Variants in CDKL4 observed in about 807,000 individuals in gnomAD.
CDKL4 encodes cyclin dependent kinase like 4.
A neutral mutation model predicts 42.0 loss-of-function variants in CDKL4; 44 were observed. The observed-to-expected ratio is 1.05, with a 90% confidence interval of 0.82 to 1.35. The LOEUF (loss-of-function observed/expected upper bound fraction) is 1.35, where lower values mean the gene tolerates loss of function less well. CDKL4 is among the 40% of genes most tolerant of loss of function. The probability of loss-of-function intolerance (pLI) is 0.00; values close to 1 mark genes in which losing one functional copy is unlikely to be tolerated. For missense variants in CDKL4, 393 were observed against 369.9 expected (o/e 1.06, Z -0.51); for synonymous variants, 120 against 121.6 (o/e 0.99, Z 0.09).
At chr2:39,200,575 C>T (rs1169111156) in intron 5 of CDKL4, among the ~76,000 whole-genome samples, 2 of 152,110 alleles carry the variant, frequency 1.3e-5, no homozygotes, top group Non-Finnish European at 2.9e-5. Context: ...ATTATCCTAC[C>T]TGACTTCAAA....
exon 8 of CDKL4, chr2:39,184,641 G>C: frequency 6.2e-7 from 1 of 1,610,030 alleles, no homozygotes; most frequent in South Asian, 1.1e-5. Flanking sequence ...TTTTCCTCAA[G>C]AGTTTCCTGA....
intron 3 of CDKL4, among the ~76,000 whole-genome samples, chr2:39,218,854 C>T (rs1351836779): frequency 6.6e-6 from 1 of 152,122 alleles, no homozygotes; most frequent in Non-Finnish European, 1.5e-5. Flanking sequence ...GATTGTGGAA[C>T]TTCTCTCCCT....
At chr2:39,189,555 C>T (rs1054931025) in intron 6 of CDKL4, among the ~76,000 whole-genome samples, 5 of 152,166 alleles carry the variant, frequency 3.3e-5, no homozygotes, top group African/African-American at 9.7e-5. Context: ...GCAGCCACCC[C>T]TAATCAGGAA....
downstream of CDKL4, among the ~76,000 whole-genome samples, chr2:39,172,471 T>TACA (rs1675028093): frequency 6.6e-6 from 1 of 152,112 alleles, no homozygotes; most frequent in Non-Finnish European, 1.5e-5. Flanking sequence ...AGGAAGGAGT[T>TACA]ACAGCTTGAG....
rs190249850 is a variant in CDKL4, at chr2:39,221,818, T to C, written c.290+4021A>G. 2.1e-3 allele frequency among the ~76,000 whole-genome samples: 327 copies of C among 152,302 alleles called. 4 individuals carry two copies. The highest frequency in any genetic ancestry group is 0.018 in the Admixed American group (280 of 15,284). On this transcript the variant is annotated intron_variant, in intron 3 of 9. Coordinates refer to ENST00000451199, the Ensembl canonical transcript of CDKL4. ...TCCATCTGGCCAACTCCTCTTCCTT[T>C]TCAAAGCCCAAATGCTGCCTTCTCT...
the CDKL4 span, among the ~76,000 whole-genome samples, chr2:39,168,572 T>A: frequency 2.0e-5 from 3 of 151,772 alleles, no homozygotes; most frequent in Non-Finnish European, 4.4e-5. Flanking sequence ...CCCATCTATA[T>A]TAAAAATACA....
chr2:39,179,377 C>G, intron 8 of CDKL4, 56 bp from the exon 9 acceptor site: 1 of 1,378,272 alleles, frequency 7.3e-7, no homozygotes, highest in South Asian at 1.5e-5. Context: ...ATTTTGTTAC[C>G]GTGCCCACAA....
intron 3 of CDKL4, among the ~76,000 whole-genome samples, chr2:39,215,926 C>T (rs556914214): frequency 6.6e-5 from 10 of 152,290 alleles, no homozygotes; most frequent in Admixed American, 2.0e-4. Flanking sequence ...CTATTTCCAG[C>T]ACTGAATACT....
At chr2:39,203,210 G>GAAAGGAA in intron 5 of CDKL4, among the ~76,000 whole-genome samples, 1 of 152,102 alleles carries the variant, frequency 6.6e-6, no homozygotes, top group East Asian at 1.9e-4. Flanking sequence ...AATGAAAAAG[G>GAAAGGAA]AAAGGAAAAA....
At position 39,190,503 on chromosome 2, in the gene CDKL4, C is replaced by A. The variant is rs1335091572; in HGVS notation, c.455-1G>T. The stretch of plus-strand genomic sequence containing the variant: ...TAATCGGTGTAGGCATCTCCTGGAA[C>A]TGCAAATGCATCAATCAGATCAGGT... On this transcript the variant is annotated splice_acceptor_variant, in intron 5 of 9. Coordinates refer to ENST00000451199, the Ensembl canonical transcript of CDKL4. LOFTEE classifies it high-confidence loss of function. The A allele has an allele frequency of 6.2e-7, 1 of 1,613,930 alleles. No homozygotes were observed. The highest frequency in any genetic ancestry group is 8.5e-7 in the Non-Finnish European group (1 of 1,179,856).
intron 4 of CDKL4, among the ~76,000 whole-genome samples, chr2:39,210,521 A>C (rs1218723653): frequency 2.0e-5 from 3 of 152,172 alleles, no homozygotes; most frequent in African/African-American, 7.2e-5. Context: ...CCAGTTATTC[A>C]ATAAATATTT....
At chr2:39,201,610 T>C (rs773185642) in intron 5 of CDKL4, among the ~76,000 whole-genome samples, 1 of 152,152 alleles carries the variant, frequency 6.6e-6, no homozygotes, top group African/African-American at 2.4e-5. Flanking sequence ...AAATGTGGTA[T>C]ATATATACCG....
intron 8 of CDKL4, 39 bp downstream of exon 8, chr2:39,184,552 A>G (rs1042614292): frequency 2.0e-6 from 3 of 1,477,722 alleles, no homozygotes; most frequent in African/African-American, 2.8e-5. Flanking sequence ...AGTCATTACA[A>G]TTTATAGCTA....
At chr2:39,197,264 C>T (rs1000781601) in intron 5 of CDKL4, among the ~76,000 whole-genome samples, 32 of 152,064 alleles carry the variant, frequency 2.1e-4, no homozygotes, top group Admixed American at 2.0e-3. Flanking sequence ...CAAATTAACC[C>T]AATCTGTCAA....
intron 5 of CDKL4, 122 bp from the exon 6 acceptor site, chr2:39,190,624 T>C: frequency 1.3e-6 from 1 of 742,330 alleles, no homozygotes; most frequent in Non-Finnish European, 2.3e-6. Context: ...TAAGGGTTAA[T>C]GCATTGAGGC....
upstream of CDKL4, among the ~76,000 whole-genome samples, chr2:39,244,040 G>A (rs1276332209): frequency 6.6e-6 from 1 of 152,250 alleles, no homozygotes; most frequent in Non-Finnish European, 1.5e-5. Flanking sequence ...GCGGGGCACT[G>A]CGGCTTCCGG....
intron 5 of CDKL4, among the ~76,000 whole-genome samples, chr2:39,193,384 A>G (rs1376700843): frequency 6.7e-6 from 1 of 148,874 alleles, no homozygotes; most frequent in Non-Finnish European, 1.5e-5. Flanking sequence ...TATTATTATT[A>G]TTGTTTTTGA....
At chr2:39,212,357 C>T (rs1677639727) in intron 4 of CDKL4, among the ~76,000 whole-genome samples, 1 of 151,832 alleles carries the variant, frequency 6.6e-6, no homozygotes, top group African/African-American at 2.4e-5. Context: ...CCTCAGCCTC[C>T]CGAGTAGCTG....
rs142140826 is a variant in CDKL4, at chr2:39,227,318, A to T, written c.169-1358T>A. On this transcript the variant is annotated intron_variant, in intron 2 of 9. Coordinates refer to ENST00000451199, the Ensembl canonical transcript of CDKL4. ...TTTGCATATAGTAGAAGCTCAACAAATAACAGGCCCAGTAGAAAATTTTAG... is the reference window on the plus strand; with the variant it reads ...TTTGCATATAGTAGAAGCTCAACAATTAACAGGCCCAGTAGAAAATTTTAG... Among the ~76,000 whole-genome samples, 315 of 152,348 alleles carry T rather than the reference A, an allele frequency of 2.1e-3. 3 individuals carry two copies. The highest frequency in any genetic ancestry group is 6.9e-3 in the African/African-American group (287 of 41,588).
Sources: allele counts gnomAD v4.1 joint callset (sites outside exome capture counted in the v4.1 genomes callset), GRCh38; gene constraint gnomAD v4.1.1; transcripts MANE v1.5; gene names NCBI Gene and HGNC (gene_info 2026-07-23, HGNC 2026-07-21).